The following DCT variants were observed in gnomAD, a reference collection of about 807,000 sequenced individuals.
DCT encodes L-dopachrome tautomerase.
A neutral mutation model predicts 53.0 loss-of-function variants in DCT; 47 were observed. That is an observed-to-expected ratio of 0.89 (90% CI 0.70 to 1.13). The LOEUF is 1.13. Ranked by LOEUF, DCT falls within the 50% of genes most tolerant of loss-of-function variation. DCT has a pLI of 0.00. For synonymous variants in DCT, 244 were observed against 237.0 expected (o/e 1.03, Z -0.27); for missense variants, 669 against 637.4 (o/e 1.05, Z -0.53).
the DCT span, among the ~76,000 whole-genome samples, chr13:94,530,061 C>T: frequency 6.6e-6 from 1 of 152,134 alleles, no homozygotes; most frequent in East Asian, 1.9e-4. Context: ...GACACATACA[C>T]CCTCCCAAGA....
the DCT span, among the ~76,000 whole-genome samples, chr13:94,493,298 G>T: frequency 6.6e-6 from 1 of 151,600 alleles, no homozygotes; most frequent in Non-Finnish European, 1.5e-5. Context: ...TATGCTGAGT[G>T]AAAAAAAACC....
At chr13:94,537,925 GA>G in the DCT span, among the ~76,000 whole-genome samples, 1 of 152,128 alleles carries the variant, frequency 6.6e-6, no homozygotes, top group Non-Finnish European at 1.5e-5. Context: ...TTGGCAGGAT[GA>G]AAAAAGAGGA....
the DCT span, among the ~76,000 whole-genome samples, chr13:94,492,793 T>A: frequency 2.0e-5 from 3 of 152,352 alleles, no homozygotes; most frequent in East Asian, 5.8e-4. Context: ...TTCTAATTAA[T>A]CTTTGGGTGT....
intron 6 of DCT, among the ~76,000 whole-genome samples, chr13:94,447,927 T>C (rs1453995529): frequency 6.6e-6 from 1 of 152,142 alleles, no homozygotes; most frequent in Non-Finnish European, 1.5e-5. Flanking sequence ...ATTGTAGCTC[T>C]CAGGAGGGCT....
intron 6 of DCT, among the ~76,000 whole-genome samples, chr13:94,450,150 G>A (rs7320372): frequency 0.029 from 4,436 of 152,154 alleles, 230 homozygotes; most frequent in African/African-American, 0.1. Context: ...GAAAATGGCC[G>A]TTATGAGCCA....
intron 4 of DCT, among the ~76,000 whole-genome samples, chr13:94,463,944 T>C (rs1222319820): frequency 6.6e-6 from 1 of 152,230 alleles, no homozygotes; most frequent in Non-Finnish European, 1.5e-5. Flanking sequence ...TGAAAAAGAA[T>C]ACCACATTTA....
intron 4 of DCT, among the ~76,000 whole-genome samples, chr13:94,463,285 CTTTT>C (rs34241046): frequency 3.0e-5 from 4 of 131,322 alleles, no homozygotes; most frequent in Admixed American, 1.5e-4. Flanking sequence ...TACTGGCTAA[CTTTT>C]TTTTTTTTTT....
At chr13:94,459,020 G>A (rs1413528312) in intron 6 of DCT, among the ~76,000 whole-genome samples, 1 of 151,504 alleles carries the variant, frequency 6.6e-6, no homozygotes, top group Non-Finnish European at 1.5e-5. Context: ...GGAACCACAG[G>A]TGCATGCTAC....
At chr13:94,460,338 G>C (rs562968710) in intron 5 of DCT, 112 bp from the exon 6 acceptor site, 25 of 967,232 alleles carry the variant, frequency 2.6e-5, no homozygotes, top group Non-Finnish European at 3.4e-5. Flanking sequence ...TAGGGATATG[G>C]GAAGCTCTGT....
chr13:94,493,032 G>A, the DCT span, among the ~76,000 whole-genome samples: 1 of 152,180 alleles, frequency 6.6e-6, no homozygotes, highest in Non-Finnish European at 1.5e-5. Flanking sequence ...CATCCATTGT[G>A]CTTGGAACGT....
At chr13:94,534,690 G>A in the DCT span, among the ~76,000 whole-genome samples, 64 of 152,346 alleles carry the variant, frequency 4.2e-4, no homozygotes, top group Middle Eastern at 0.01. Context: ...TACTGCCATC[G>A]GCTGCCCTGG....
chr13:94,442,111 T>A (rs1882367195), intron 7 of DCT, among the ~76,000 whole-genome samples: 4 of 152,106 alleles, frequency 2.6e-5, no homozygotes. Flanking sequence ...CTAGGCTCTT[T>A]CATAAATTTG....
At chr13:94,512,996 T>C in the DCT span, among the ~76,000 whole-genome samples, 1 of 152,216 alleles carries the variant, frequency 6.6e-6, no homozygotes, top group Non-Finnish European at 1.5e-5. Flanking sequence ...AGAAATAGCA[T>C]GAGCAAAAGT....
chr13:94,521,326 A>G, the DCT span, among the ~76,000 whole-genome samples: 1 of 152,184 alleles, frequency 6.6e-6, no homozygotes, highest in South Asian at 2.1e-4. Context: ...CAATAGAGGA[A>G]CCTAAATATT....
At chr13:94,525,164 G>A in the DCT span, among the ~76,000 whole-genome samples, 2,971 of 151,964 alleles carry the variant, frequency 0.02, 62 homozygotes, top group African/African-American at 0.03. Flanking sequence ...GCAATGACAC[G>A]GTCTCTGCTC....
upstream of DCT, among the ~76,000 whole-genome samples, chr13:94,482,067 T>C (rs573203490): frequency 6.6e-6 from 1 of 152,262 alleles, no homozygotes; most frequent in South Asian, 2.1e-4. Flanking sequence ...CAATTTGACA[T>C]TGGGATAACA....
At chr13:94,520,507 G>A in the DCT span, among the ~76,000 whole-genome samples, 2 of 152,198 alleles carry the variant, frequency 1.3e-5, no homozygotes, top group Non-Finnish European at 2.9e-5. Flanking sequence ...TCTCTAGCAC[G>A]TTGAGGAGCC....
the DCT span, among the ~76,000 whole-genome samples, chr13:94,529,956 A>T: frequency 6.6e-6 from 1 of 152,148 alleles, no homozygotes; most frequent in South Asian, 2.1e-4. Flanking sequence ...GATAAAGGGG[A>T]TATCACCACA....
At chr13:94,544,919 C>T in the DCT span, among the ~76,000 whole-genome samples, 1 of 152,084 alleles carries the variant, frequency 6.6e-6, no homozygotes, top group African/African-American at 2.4e-5. Flanking sequence ...TTATGTATAA[C>T]AATTATAGCA....
Sources: allele counts gnomAD v4.1 joint callset (sites outside exome capture counted in the v4.1 genomes callset), GRCh38; gene constraint gnomAD v4.1.1; transcripts MANE v1.5; gene names NCBI Gene and HGNC (gene_info 2026-07-23, HGNC 2026-07-21).